Variants in STRADA observed in about 807,000 individuals in gnomAD.
STRADA encodes STE20-related kinase adapter protein alpha.
Under a neutral mutation model 55.0 loss-of-function variants are expected in STRADA, and 26 were observed. That is an observed-to-expected ratio of 0.47 (90% confidence interval 0.35 to 0.66). STRADA has a LOEUF of 0.66. STRADA is among the 30% of genes least tolerant of loss of function. STRADA has a pLI of 0.01. For missense variants in STRADA, 443 were observed against 549.7 expected (o/e 0.81, Z 1.94); for synonymous variants, 197 against 210.9 (o/e 0.93, Z 0.57).
intron 11 of STRADA, 143 bp downstream of exon 11, chr17:63,704,198 C>G (rs1190396459): frequency 6.6e-7 from 1 of 1,521,500 alleles, no homozygotes; most frequent in Non-Finnish European, 8.8e-7. Context: ...TGGCCTCTGA[C>G]ACACCCAGGA....
intron 11 of STRADA, 106 bp from the exon 12 acceptor site, chr17:63,704,153 A>T: frequency 6.5e-7 from 1 of 1,536,520 alleles, no homozygotes; most frequent in Non-Finnish European, 8.8e-7. Flanking sequence ...CCTCTCCCTC[A>T]GCTCATGGGA....
intron 3 of STRADA, chr17:63,723,782 A>G (rs2144096534): frequency 6.5e-6 from 1 of 154,924 alleles, no homozygotes; most frequent in South Asian, 2.0e-4. Flanking sequence ...AAGTTTTAAA[A>G]TAGCAACACG....
chr17:63,706,224 G>T (rs1388064141), intron 10 of STRADA: 1 of 157,588 alleles, frequency 6.3e-6, no homozygotes, highest in Non-Finnish European at 1.4e-5. Flanking sequence ...ACAGAATGGG[G>T]GTTCCAAAGG....
chr17:63,733,726 G>C (rs1295931211), intron 1 of STRADA, among the ~76,000 whole-genome samples: 1 of 152,204 alleles, frequency 6.6e-6, no homozygotes, highest in African/African-American at 2.4e-5. Flanking sequence ...CAAACAGTAT[G>C]GTTTATGCTG....
At chr17:63,731,509 C>T (rs561266832) in intron 1 of STRADA, among the ~76,000 whole-genome samples, 2 of 152,214 alleles carry the variant, frequency 1.3e-5, no homozygotes, top group East Asian at 3.9e-4. Flanking sequence ...CGTGATCCGT[C>T]CGCCTTGGCC....
At chr17:63,717,246 A>C (rs1033414083) in intron 4 of STRADA, 1 of 152,206 alleles carries the variant, frequency 6.6e-6, no homozygotes, top group East Asian at 1.9e-4. Flanking sequence ...ACTGGTTTTT[A>C]TACTTATCTG....
chr17:63,732,401 C>T (rs2038129322), intron 1 of STRADA, among the ~76,000 whole-genome samples: 1 of 152,060 alleles, frequency 6.6e-6, no homozygotes, highest in Non-Finnish European at 1.5e-5. Flanking sequence ...CTCACTGCAA[C>T]CTCAACCTCC....
intron 1 of STRADA, among the ~76,000 whole-genome samples, chr17:63,730,977 C>T (rs530197463): frequency 4.0e-5 from 6 of 151,246 alleles, no homozygotes; most frequent in East Asian, 4.0e-4. Context: ...GATGGAGTCT[C>T]GCTCTGTTGC....
At chr17:63,731,081 C>T (rs1256559748) in intron 1 of STRADA, among the ~76,000 whole-genome samples, 1 of 151,512 alleles carries the variant, frequency 6.6e-6, no homozygotes, top group African/African-American at 2.4e-5. Flanking sequence ...GTAGCTGGGA[C>T]TACAGGCGTG....
At chr17:63,711,869 A>C (rs148433718) in intron 6 of STRADA, among the ~76,000 whole-genome samples, 52 of 152,182 alleles carry the variant, frequency 3.4e-4, no homozygotes, top group African/African-American at 9.1e-4. Flanking sequence ...TGAGCAGTTG[A>C]GGCTGTGGTG....
intron 3 of STRADA, among the ~76,000 whole-genome samples, chr17:63,724,146 A>AT (rs996298673): frequency 6.6e-4 from 100 of 151,700 alleles, no homozygotes; most frequent in Admixed American, 1.2e-3. Flanking sequence ...TTTTTTTTTA[A>AT]TTTTTTATTT....
At chr17:63,708,847 T>G (rs1211456702) in intron 8 of STRADA, among the ~76,000 whole-genome samples, 1 of 152,222 alleles carries the variant, frequency 6.6e-6, no homozygotes, top group Non-Finnish European at 1.5e-5. Flanking sequence ...CCTCTTGCCC[T>G]ACCTCCTACG....
rs375825074 is a variant in STRADA at position 63,704,497 on chromosome 17, G to A, written c.944C>T (p.Ser315Leu). Reference sequence around the variant, plus strand: ...CAGGCCAGAGTTGGCCACTGAGCGCGAAGGGCTCATGGTCAGCTCCTCAGC... The same window carrying A: ...CAGGCCAGAGTTGGCCACTGAGCGCAAAGGGCTCATGGTCAGCTCCTCAGC... ...IPAEELTMSP[S>L]RSVANSGLSD... The change falls in exon 11 of 13, where the codon TCG (serine) becomes TTG (leucine). Residue 315 changes from serine (S) to leucine (L), a missense_variant. Ser to Leu is a moderately radical substitution (Grantham distance 145). Transcript: ENST00000336174. 2.9e-5 allele frequency: 47 copies of A among 1,611,958 alleles called. No individual in the cohort carries two copies. Among genetic ancestry groups the A allele is most frequent in the African/African-American group, 2.1e-4 (16 of 74,884 alleles).
At position 63,704,493 on chromosome 17, in the gene STRADA, G is replaced by A. The variant is rs752615908; in HGVS notation, c.948C>T (p.Arg316=). The change falls in exon 11 of 13, where the codon CGC becomes CGT. Residue 316 remains arginine (R), a synonymous_variant. Coordinates refer to ENST00000336174, the MANE Select transcript of STRADA (RefSeq NM_001003787.4). ...CACTCAGGCCAGAGTTGGCCACTGA[G>A]CGCGAAGGGCTCATGGTCAGCTCCT... ...PAEELTMSPS[R]SVANSGLSDS... is the part of the protein sequence containing the mutation. 6.2e-7 allele frequency: 1 copy of A among 1,612,534 alleles called. No individual in the cohort carries two copies. The highest frequency in any genetic ancestry group is 8.5e-7 in the Non-Finnish European group (1 of 1,179,324).
intron 1 of STRADA, among the ~76,000 whole-genome samples, 179 bp from the exon 2 acceptor site, chr17:63,728,592 T>G (rs1355808068): frequency 6.6e-6 from 1 of 152,052 alleles, no homozygotes; most frequent in East Asian, 1.9e-4. Context: ...TTTGGCCAAG[T>G]ACATTATAAA....
chr17:63,716,010 T>A (rs753043396), intron 4 of STRADA, among the ~76,000 whole-genome samples: 4 of 152,078 alleles, frequency 2.6e-5, no homozygotes, highest in Non-Finnish European at 4.4e-5. Flanking sequence ...TGACAGAGCA[T>A]ATGAACAATC....
Position 63,704,443 on chromosome 17 carries a change from C to CG in STRADA, c.997dup (p.Arg333ProfsTer6). The CG allele has an allele frequency of 6.2e-7, 1 of 1,610,322 alleles. No individual in the cohort carries two copies. ...GGAGGGCGAGTCACCGTTGGAGGGC[C>CG]GGGGGGTGCTGGTGGTCAGGCTGTC... On this transcript the variant is annotated frameshift_variant, in exon 11 of 13. Transcript: ENST00000336174. LOFTEE classifies it high-confidence loss of function.
At position 63,703,761 on chromosome 17, in the gene STRADA, A is replaced by G. The variant is rs745767487; in HGVS notation, c.1144-10T>C. On this transcript the variant is annotated splice_polypyrimidine_tract_variant and intron_variant, in intron 12 of 12. Transcript: ENST00000336174. ...AGGCACGTCGCTTGATCTGGGGGAG[A>G]AGAGAGAGGTGGGTGACAGATCCTG... 2.5e-6 allele frequency: 4 copies of G among 1,613,368 alleles called. No individual in the cohort carries two copies. In the East Asian group the frequency reaches 8.9e-5, roughly 36 times the overall value.
At chr17:63,730,001 C>T (rs1303566483) in intron 1 of STRADA, among the ~76,000 whole-genome samples, 2 of 151,662 alleles carry the variant, frequency 1.3e-5, no homozygotes, top group African/African-American at 2.4e-5. Flanking sequence ...CCATGCCTGG[C>T]TAATTTTTGT....
Sources: allele counts gnomAD v4.1 joint callset (sites outside exome capture counted in the v4.1 genomes callset), GRCh38; gene constraint gnomAD v4.1.1; transcripts MANE v1.5; gene names NCBI Gene and HGNC (gene_info 2026-07-23, HGNC 2026-07-21).